SESN2: variants seen among roughly 807,000 people sequenced by gnomAD.
The protein encoded by SESN2 is sestrin 2.
A neutral mutation model predicts 56.0 loss-of-function variants in SESN2; 42 were observed. That is an observed-to-expected ratio of 0.75 (90% CI 0.59 to 0.97). The LOEUF is 0.97. Ranked by LOEUF, SESN2 falls within the 50% of genes least tolerant of loss-of-function variation. The pLI is 0.00. For missense variants in SESN2, 507 were observed against 649.4 expected (o/e 0.78, Z 2.38); for synonymous variants, 264 against 267.1 (o/e 0.99, Z 0.11).
chr1:28,263,563 G>GGT (rs1226282993), intron 1 of SESN2, among the ~76,000 whole-genome samples: 1 of 152,156 alleles, frequency 6.6e-6, no homozygotes, highest in African/African-American at 2.4e-5. Context: ...CTGTAGCTGA[G>GGT]ACCAGGGACT....
chr1:28,277,787 C>G (rs1423789591), intron 8 of SESN2, among the ~76,000 whole-genome samples: 1 of 152,178 alleles, frequency 6.6e-6, no homozygotes. Flanking sequence ...TCATATTTCA[C>G]TGAATGGGTT....
rs1288563255 is a variant in SESN2 at position 28,280,757 on chromosome 1, C to T, written c.1398C>T (p.Ala466=). The change falls in exon 10 of 10, where the codon GCC becomes GCT. Residue 466 remains alanine (A), a synonymous_variant. Transcript: ENST00000253063. ...TGCTCCTGGAGGCGCGCATGCAAGC[C>T]GCTCTGCTGTACGCCCTCCGTGCCA... ...NLLLLEARMQ[A]ALLYALRAIT... 8.1e-6 allele frequency: 13 copies of T among 1,613,594 alleles called. No homozygotes were observed. The highest frequency in any genetic ancestry group is 4.5e-5 in the East Asian group (2 of 44,900).
intron 2 of SESN2, among the ~76,000 whole-genome samples, chr1:28,270,361 A>G (rs907534968): frequency 1.3e-5 from 2 of 152,098 alleles, no homozygotes; most frequent in Admixed American, 6.5e-5. Flanking sequence ...AAAAAAAAAA[A>G]AAAAAATTTG....
At chr1:28,274,766 G>A in intron 7 of SESN2, 59 bp from the exon 8 acceptor site, 1 of 1,309,438 alleles carries the variant, frequency 7.6e-7, no homozygotes, top group Non-Finnish European at 1.1e-6. Flanking sequence ...AGAGGATGGG[G>A]GTCTCTCTGG....
intron 9 of SESN2, 65 bp from the exon 10 acceptor site, chr1:28,280,651 G>A: frequency 7.8e-7 from 1 of 1,286,374 alleles, no homozygotes; most frequent in Non-Finnish European, 1.1e-6. Flanking sequence ...GATCAAGGCA[G>A]TCTGGGAGGG....
chr1:28,280,969 A>G lies in SESN2; in HGVS notation c.*167A>G. 2 of 609,990 alleles carry G rather than the reference A, an allele frequency of 3.3e-6. No individual in the cohort carries two copies. The highest frequency in any genetic ancestry group is 5.9e-6 in the Non-Finnish European group (2 of 337,300). 37.8% of individuals were successfully genotyped at this position (609,990 alleles called of 1,614,324 possible). A position where few individuals can be genotyped will look rare whatever the true frequency, so the allele number is the denominator to read the frequency against. On this transcript the variant is annotated 3_prime_UTR_variant, in exon 10 of 10. Transcript: ENST00000253063. ...CCCTCCCTTTTCCTCACTGGAATGG[A>G]CAGTTCATTGCACTGACTCTGGGAT...
At chr1:28,268,106 G>A (rs1415318034) in intron 1 of SESN2, among the ~76,000 whole-genome samples, 2 of 152,102 alleles carry the variant, frequency 1.3e-5, no homozygotes, top group African/African-American at 2.4e-5. Context: ...CCAGTTGATC[G>A]GATTTATATT....
chr1:28,262,731 A>G (rs1440036673), intron 1 of SESN2, among the ~76,000 whole-genome samples: 1 of 151,900 alleles, frequency 6.6e-6, no homozygotes, highest in Admixed American at 6.6e-5. Context: ...GATTGAGACC[A>G]TTCTGGCTAA....
intron 2 of SESN2, among the ~76,000 whole-genome samples, chr1:28,270,118 G>A (rs912581163): frequency 2.0e-5 from 3 of 152,258 alleles, no homozygotes; most frequent in Non-Finnish European, 4.4e-5. Context: ...TTGGGAGGCC[G>A]AGGCGGGCGG....
chr1:28,282,381 G>C lies in SESN2; in HGVS notation c.*1579G>C, dbSNP rs567814738. ...TAGAGGGCATGTGATGACTGTAAAT[G>C]TTCACTGGGTGGGTAGGGAGTGGTA... On this transcript the variant is annotated 3_prime_UTR_variant, in exon 10 of 10. Coordinates refer to ENST00000253063, the MANE Select transcript of SESN2 (RefSeq NM_031459.5). 2 of 152,390 alleles carry C rather than the reference G, an allele frequency of 1.3e-5. No homozygotes were observed. The highest frequency in any genetic ancestry group is 4.1e-4 in the South Asian group (2 of 4,824). 9.4% of individuals were successfully genotyped at this position (152,390 alleles called of 1,614,324 possible). A position where few individuals can be genotyped will look rare whatever the true frequency, so the allele number is the denominator to read the frequency against.
At chr1:28,268,529 G>A (rs1445042634) in intron 1 of SESN2, among the ~76,000 whole-genome samples, 1 of 152,020 alleles carries the variant, frequency 6.6e-6, no homozygotes, top group African/African-American at 2.4e-5. Context: ...GGTGAGCGTG[G>A]TTGTGCATGC....
chr1:28,260,834 T>C lies in SESN2; in HGVS notation c.90+897T>C, dbSNP rs556133417. Among the ~76,000 whole-genome samples, 206 of 152,144 alleles carry C rather than the reference T, an allele frequency of 1.4e-3. 2 individuals are homozygous for C. The highest frequency in any genetic ancestry group is 2.4e-3 in the Non-Finnish European group (165 of 67,998). On this transcript the variant is annotated intron_variant, in intron 1 of 9. Coordinates refer to ENST00000253063, the MANE Select transcript of SESN2 (RefSeq NM_031459.5). ...CTACCAGCAGCAGCGATAATGGACA[T>C]CTTATCATTTATTATGCACCTACTA... is the stretch of plus-strand genomic sequence containing the variant.
intron 3 of SESN2, 58 bp from the exon 4 acceptor site, chr1:28,272,226 C>A (rs1417681481): frequency 1.3e-6 from 2 of 1,579,480 alleles, no homozygotes; most frequent in Non-Finnish European, 1.7e-6. Context: ...GGGGTACCCA[C>A]CCTGAGCCAG....
chr1:28,281,463 A>AG lies in SESN2; in HGVS notation c.*662dup, dbSNP rs1491518075. 1 of 151,622 alleles carries AG rather than the reference A, an allele frequency of 6.6e-6. No homozygotes were observed. The highest frequency in any genetic ancestry group is 1.9e-4 in the East Asian group (1 of 5,174). The allele number at this position is 151,622 out of a possible 1,614,324, so 9.4% of individuals were successfully genotyped here. A position where few individuals can be genotyped will look rare whatever the true frequency, so the allele number is the denominator to read the frequency against. On this transcript the variant is annotated 3_prime_UTR_variant, in exon 10 of 10. Coordinates refer to ENST00000253063, the MANE Select transcript of SESN2 (RefSeq NM_031459.5). ...AGGCCAAGTACATAAAAAAAAAAAA[A>AG]GCAGATTATCTCTAGAGAGTTTGAG... is the stretch of plus-strand genomic sequence containing the variant.
intron 1 of SESN2, 97 bp from the exon 2 acceptor site, chr1:28,269,086 C>A: frequency 1.2e-6 from 1 of 805,646 alleles, no homozygotes; most frequent in Non-Finnish European, 2.0e-6. Context: ...TTTAACACTT[C>A]AGTGTAGCCC....
chr1:28,267,254 C>G (rs1647589448), intron 1 of SESN2, among the ~76,000 whole-genome samples: 1 of 152,104 alleles, frequency 6.6e-6, no homozygotes, highest in Non-Finnish European at 1.5e-5. Flanking sequence ...CCGGAAGTTC[C>G]CAGAAGTGTG....
intron 9 of SESN2, 68 bp from the exon 10 acceptor site, chr1:28,280,648 G>C: frequency 8.1e-7 from 1 of 1,239,746 alleles, no homozygotes; most frequent in Admixed American, 1.7e-5. Flanking sequence ...AGGGATCAAG[G>C]CAGTCTGGGA....
chr1:28,266,034 G>T (rs1572092235), intron 1 of SESN2, among the ~76,000 whole-genome samples: 2 of 152,190 alleles, frequency 1.3e-5, no homozygotes, highest in African/African-American at 4.8e-5. Context: ...AAGGCCAAGG[G>T]CTTTGTCTTT....
intron 1 of SESN2, among the ~76,000 whole-genome samples, chr1:28,268,177 C>T (rs1161851241): frequency 6.6e-6 from 1 of 151,850 alleles, no homozygotes; most frequent in Non-Finnish European, 1.5e-5. Flanking sequence ...CTAAGGAGGC[C>T]GGGGGACAAC....
Sources: allele counts gnomAD v4.1 joint callset (sites outside exome capture counted in the v4.1 genomes callset), GRCh38; gene constraint gnomAD v4.1.1; transcripts MANE v1.5; gene names NCBI Gene and HGNC (gene_info 2026-07-23, HGNC 2026-07-21).